ASPM: variants seen among roughly 807,000 people sequenced by gnomAD.
ASPM encodes the protein abnormal spindle-like microcephaly-associated protein.
A neutral mutation model predicts 366.4 loss-of-function variants in ASPM; 256 were observed. The ratio of observed to expected loss-of-function variants is 0.70; its 90% CI spans 0.63 to 0.77. The LOEUF (loss-of-function observed/expected upper bound fraction) is 0.77. Among genes scored for constraint, ASPM ranks in the 30% least tolerant of loss-of-function variants. The pLI, the probability that ASPM is intolerant of heterozygous loss-of-function variation, is 0.00. For missense variants in ASPM, 4,146 were observed against 4,090.4 expected, an observed-to-expected ratio of 1.01 and a Z score of -0.37; for synonymous variants, 1,414 against 1,342.9, an observed-to-expected ratio of 1.05 and a Z score of -1.16.
At chr1:197,111,154 C>T (rs776036787) in intron 17 of ASPM, among the ~76,000 whole-genome samples, 9 of 152,044 alleles carry the variant, frequency 5.9e-5, no homozygotes, top group Non-Finnish European at 1.2e-4. Flanking sequence ...AACAGACAAC[C>T]TACAGAATGG....
intron 8 of ASPM, 27 bp from the exon 9 acceptor site, chr1:197,129,344 C>T (rs1557959290): frequency 7.5e-6 from 12 of 1,607,494 alleles, no homozygotes; most frequent in Non-Finnish European, 9.4e-6. Flanking sequence ...AAAAGCACAG[C>T]AAGTTAATCT....
chr1:197,101,766 T>A lies in ASPM; in HGVS notation c.7485A>T (p.Arg2495Ser). Reference sequence around the variant, plus strand: ...TCCAAGTCTGAAATGTAATATATGTTCTGTACATCCTGAAAGTAGCCTGAA... The same window carrying A: ...TCCAAGTCTGAAATGTAATATATGTACTGTACATCCTGAAAGTAGCCTGAA... ...VLIQATFRMY[R>S]TYITFQTWKH... is the part of the protein sequence containing the mutation. Residue 2495 changes from arginine to serine, a missense_variant, in exon 18 of 28, where the codon AGA becomes AGT. Around this residue, in one of 3 missense-constraint regions of ASPM, gnomAD observed 3,624 missense variants for 3,591.7 expected, o/e 1.01. Coordinates refer to ENST00000367409, the MANE Select transcript of ASPM (RefSeq NM_018136.5). 6.2e-7 allele frequency: 1 copy of A among 1,612,648 alleles called. No homozygotes were observed. Among genetic ancestry groups the A allele is most frequent in the Non-Finnish European group, 8.5e-7 (1 of 1,179,282 alleles).
At position 197,143,323 on chromosome 1, in the gene ASPM, T is replaced by A; in HGVS notation, c.929A>T (p.Gln310Leu). ...TGGACTTAGAAAATGTATTTGGCTT[T>A]GTGTAATGTTCAAAGTTGAAGAACA... ...PNCSSTLNITQSQIHFLSPDS... is the reference protein window; with the variant it reads ...PNCSSTLNITLSQIHFLSPDS... Residue 310 changes from glutamine (Q) to leucine (L), a missense_variant, in exon 3 of 28, where the codon CAA (glutamine) becomes CTA (leucine). Around this residue, in one of 3 missense-constraint regions of ASPM, gnomAD observed 512 missense variants for 471.7 expected, o/e 1.09. Transcript: ENST00000367409. 1 of 1,613,978 alleles carries A rather than the reference T, an allele frequency of 6.2e-7. No individual in the cohort carries two copies.
In ASPM at chr1:197,122,004, A is replaced by G. The variant is rs1211390138; in HGVS notation, c.3781T>C (p.Leu1261=). Reference sequence around the variant, plus strand: ...GCTCTTATTTCTTTACGAAGATCCAAAAGCCTTGCACAAAGAAATGACAAA... The same window carrying G: ...GCTCTTATTTCTTTACGAAGATCCAGAAGCCTTGCACAAAGAAATGACAAA... ...TYLSFLCARL[L]DLRKEIRAAR... is the part of the protein sequence containing the mutation. Residue 1261 remains leucine (L), a synonymous_variant, in exon 16 of 28, where the codon TTG becomes CTG. Coordinates refer to ENST00000367409, the MANE Select transcript of ASPM (RefSeq NM_018136.5). The G allele has an allele frequency of 1.2e-6, 2 of 1,612,338 alleles. No homozygotes were observed. The highest frequency in any genetic ancestry group is 1.7e-6 in the Non-Finnish European group (2 of 1,178,814).
At position 197,124,936 on chromosome 1, in the gene ASPM, C is replaced by G. The variant is rs890759975; in HGVS notation, c.3102G>C (p.Lys1034Asn). 1 of 1,611,858 alleles carries G rather than the reference C, an allele frequency of 6.2e-7. No homozygotes were observed. Among genetic ancestry groups the G allele is most frequent in the African/African-American group, 1.3e-5 (1 of 74,822 alleles). Residue 1034 changes from lysine to asparagine, a missense_variant, in exon 12 of 28, where the codon AAG (lysine) becomes AAC (asparagine). Physicochemically the swap from Lys to Asn is moderately conservative, Grantham distance 94. Transcript: ENST00000367409. ...TTTCTCTGTGCCTATCCACAATATC[C>G]TTAGATAGAATTGTATTTCCTATAA... ...SDEHGNTILSKDIVDRHREKT... is the reference protein window; with the variant it reads ...SDEHGNTILSNDIVDRHREKT...
At chr1:197,134,157 G>T (rs775108812) in intron 5 of ASPM, among the ~76,000 whole-genome samples, 2 of 151,682 alleles carry the variant, frequency 1.3e-5, no homozygotes, top group Non-Finnish European at 2.9e-5. Flanking sequence ...CAGCCTTTTG[G>T]GAGGCCAAGG....
At chr1:197,095,423 G>A (rs539959744) in intron 19 of ASPM, among the ~76,000 whole-genome samples, 2 of 149,518 alleles carry the variant, frequency 1.3e-5, no homozygotes, top group South Asian at 4.3e-4. Context: ...TCAACTCTGG[G>A]AGCTGAAGAA....
chr1:197,105,289 C>T (rs749423843), intron 17 of ASPM, 104 bp from the exon 18 acceptor site: 3 of 903,884 alleles, frequency 3.3e-6, no homozygotes, highest in African/African-American at 1.7e-5. Context: ...AAAATAAACA[C>T]ATTGAATTAG....
At chr1:197,127,908 G>C (rs1257056065) in intron 10 of ASPM, among the ~76,000 whole-genome samples, 1 of 152,164 alleles carries the variant, frequency 6.6e-6, no homozygotes, top group Non-Finnish European at 1.5e-5. Context: ...GCTCATGCCT[G>C]TAATCCCAGA....
At chr1:197,139,350 A>G in intron 4 of ASPM, 1 of 634,856 alleles carries the variant, frequency 1.6e-6, no homozygotes, top group Non-Finnish European at 2.8e-6. Flanking sequence ...AAATCCCAGC[A>G]CCCTGGGAGG....
rs765715567 is a variant in ASPM at position 197,096,030 on chromosome 1, T to C, written c.8955A>G (p.Gln2985=). The C allele has an allele frequency of 2.1e-5, 33 of 1,609,384 alleles. No homozygotes were observed. Among genetic ancestry groups the C allele is most frequent in the Non-Finnish European group, 2.5e-5 (30 of 1,176,662 alleles). The change falls in exon 19 of 28, where the codon CAA becomes CAG. Residue 2985 remains glutamine (Q), a synonymous_variant. Transcript: ENST00000367409. ...TCTCTAGTTTGGTATAGAAGCAACC[T>C]TGAATAATTTTAACAGCTTTTAATA... ...LAILKAVKII[Q]GCFYTKLERT...
intron 5 of ASPM, 95 bp downstream of exon 5, chr1:197,135,001 A>T: frequency 1.0e-6 from 1 of 975,486 alleles, no homozygotes; most frequent in South Asian, 1.6e-5. Flanking sequence ...GCCATTAATT[A>T]TAATAACTAT....
chr1:197,089,003 A>T (rs1336683846), intron 25 of ASPM, among the ~76,000 whole-genome samples: 1 of 133,140 alleles, frequency 7.5e-6, no homozygotes, highest in Non-Finnish European at 1.8e-5. Context: ...ATACTAAGAT[A>T]AAAATAACAA....
At chr1:197,091,825 A>G in intron 22 of ASPM, 82 bp downstream of exon 22, 4 of 1,426,116 alleles carry the variant, frequency 2.8e-6, no homozygotes, top group African/African-American at 1.4e-5. Context: ...AGCATAAAGC[A>G]TTTGGAAATT....
In ASPM at chr1:197,144,002, G is replaced by C. The variant is rs761152464; in HGVS notation, c.396C>G (p.His132Gln). 9.3e-6 allele frequency: 15 copies of C among 1,609,968 alleles called. No homozygotes were observed. Among genetic ancestry groups the C allele is most frequent in the Non-Finnish European group, 1.3e-5 (15 of 1,176,700 alleles). The part of the protein sequence containing the change: ...MTFLVNDVLK[H>Q]QAILLGNAEE... ...CTGCATTTCCTAGTAATATAGCTTG[G>C]TGTTTCAGAACATCATTTACAAGAA... Residue 132 changes from histidine to glutamine, a missense_variant, in exon 2 of 28, where the codon CAC becomes CAG. By Grantham distance (24) the His-to-Gln change is conservative. Coordinates refer to ENST00000367409, the MANE Select transcript of ASPM (RefSeq NM_018136.5).
chr1:197,090,975 C>T lies in ASPM; in HGVS notation c.9511G>A (p.Glu3171Lys). ...IQKYHSIKKI[E>K]HEGQECLSQR... is the part of the protein sequence containing the mutation. ...CTCAGACATTCTTGACCTTCATGCT[C>T]AATCTTTTTGATGCTATGATATTTC... Residue 3171 changes from glutamate to lysine, a missense_variant, in exon 23 of 28, where the codon GAG becomes AAG. Around this residue, in one of 3 missense-constraint regions of ASPM, gnomAD observed 3,624 missense variants for 3,591.7 expected, o/e 1.01. Coordinates refer to ENST00000367409, the MANE Select transcript of ASPM (RefSeq NM_018136.5). 6.2e-7 allele frequency: 1 copy of T among 1,612,762 alleles called. No homozygotes were observed. The highest frequency in any genetic ancestry group is 8.5e-7 in the Non-Finnish European group (1 of 1,179,114).
intron 19 of ASPM, 25 bp from the exon 20 acceptor site, chr1:197,094,205 A>G (rs766907669): frequency 7.0e-7 from 1 of 1,427,702 alleles, no homozygotes; most frequent in South Asian, 1.2e-5. Flanking sequence ...TTGGAAAGCA[A>G]TGTCAAATTA....
chr1:197,101,516 C>G lies in ASPM; in HGVS notation c.7735G>C (p.Ala2579Pro). Residue 2579 changes from alanine (A) to proline (P), a missense_variant, in exon 18 of 28, where the codon GCT (alanine) becomes CCT (proline). Transcript: ENST00000367409. Reference sequence around the variant, plus strand: ...TATTTTTCTTGTATGATTTTTGTAGCCCACTGAAGCTTTTGGTAGAAACAA... The same window carrying G: ...TATTTTTCTTGTATGATTTTTGTAGGCCACTGAAGCTTTTGGTAGAAACAA... ...QYCFYQKLQW[A>P]TKIIQEKYRA... 6.2e-7 allele frequency: 1 copy of G among 1,609,306 alleles called. No individual in the cohort carries two copies. The highest frequency in any genetic ancestry group is 8.5e-7 in the Non-Finnish European group (1 of 1,178,932).
In ASPM at chr1:197,090,100, A is replaced by AC. The variant is rs1553325999; in HGVS notation, c.9830-17_9830-16insG. 31 of 1,610,944 alleles carry AC rather than the reference A, an allele frequency of 1.9e-5. No homozygotes were observed. The highest frequency in any genetic ancestry group is 1.7e-4 in the Middle Eastern group (1 of 6,044). ...GTAACTACCTCTGAAAGAAAAAAAA[A>AC]ACACACACACACAGGTAAATTTACA... On this transcript the variant is annotated splice_polypyrimidine_tract_variant and intron_variant, in intron 24 of 27. Coordinates refer to ENST00000367409, the MANE Select transcript of ASPM (RefSeq NM_018136.5).
Sources: allele counts gnomAD v4.1 joint callset (sites outside exome capture counted in the v4.1 genomes callset), GRCh38; gene constraint gnomAD v4.1.1; regional missense constraint gnomAD v4.1.1; transcripts MANE v1.5; gene names NCBI Gene and HGNC (gene_info 2026-07-23, HGNC 2026-07-21).